FAM178B: variants seen among roughly 807,000 people sequenced by gnomAD.
FAM178B encodes protein FAM178B.
Under a neutral mutation model 91.7 loss-of-function variants are expected in FAM178B, and 82 were observed. The observed-to-expected ratio is 0.89, with a 90% confidence interval of 0.75 to 1.07. The LOEUF is 1.07. Ranked by LOEUF, FAM178B falls within the 50% of genes least tolerant of loss-of-function variation. The probability of loss-of-function intolerance (pLI) is 0.00; values close to 1 mark genes in which losing one functional copy is unlikely to be tolerated. For synonymous variants in FAM178B, 368 were observed against 359.4 expected (o/e 1.02, Z -0.27); for missense variants, 769 against 846.7 (o/e 0.91, Z 1.14).
intron 4 of FAM178B, 68 bp downstream of exon 4, chr2:96,970,648 T>C: frequency 8.2e-7 from 1 of 1,225,352 alleles, no homozygotes; most frequent in Non-Finnish European, 1.2e-6. Context: ...GACTCTGCAG[T>C]GAGTCCCGGG....
chr2:96,876,113 A>T lies in FAM178B; in HGVS notation c.*163T>A, dbSNP rs559708693. The T allele has an allele frequency of 3.0e-6, 2 of 668,168 alleles. No homozygotes were observed. Among genetic ancestry groups the T allele is most frequent in the Non-Finnish European group, 2.5e-6 (1 of 396,558 alleles). The allele number at this position is 668,168 out of a possible 1,614,324, so 41.4% of individuals were successfully genotyped here. A position where few individuals can be genotyped will look rare whatever the true frequency, so the allele number is the denominator to read the frequency against. On this transcript the variant is annotated 3_prime_UTR_variant, in exon 17 of 17. Transcript: ENST00000490605. The stretch of plus-strand genomic sequence containing the variant: ...GGCGGTGGCAGAGGCAGGCTCTTGC[A>T]GAGAGGAGAGGGGTCGGGGCGGTGG...
intron 1 of FAM178B, 83 bp downstream of exon 1, chr2:96,986,158 C>A: frequency 6.6e-7 from 1 of 1,526,446 alleles, no homozygotes; most frequent in Non-Finnish European, 8.7e-7. Context: ...AAGGCCTGGA[C>A]CAGCCAGGAG....
In FAM178B at chr2:96,929,247, A is replaced by T; in HGVS notation, c.1152T>A (p.Ser384Arg). 1.3e-6 allele frequency: 2 copies of T among 1,551,678 alleles called. No individual in the cohort carries two copies. Among genetic ancestry groups the T allele is most frequent in the Non-Finnish European group, 1.7e-6 (2 of 1,146,962 alleles). Residue 384 changes from serine to arginine, a missense_variant, in exon 9 of 17, where the codon AGT becomes AGA. Ser to Arg is a moderately radical substitution (Grantham distance 110, BLOSUM62 -1). Coordinates refer to ENST00000490605, the MANE Select transcript of FAM178B (RefSeq NM_001122646.3). ...REAFHSLGAH[S>R]PALYPLGPFW... ...AGGGCCCCAGAGGGTACAGGGCAGG[A>T]CTGTGGGCACCCAGGCTGTGGAATG...
intron 14 of FAM178B, among the ~76,000 whole-genome samples, chr2:96,889,076 T>A (rs2080600591): frequency 6.6e-6 from 1 of 152,046 alleles, no homozygotes; most frequent in Non-Finnish European, 1.5e-5. Flanking sequence ...CCATAACAGG[T>A]GCAGAACCCA....
At chr2:96,901,333 C>T (rs888763799) in intron 13 of FAM178B, among the ~76,000 whole-genome samples, 3 of 151,692 alleles carry the variant, frequency 2.0e-5, no homozygotes, top group Non-Finnish European at 4.4e-5. Flanking sequence ...CCAGCATGCC[C>T]GGCTAATTTT....
intron 13 of FAM178B, chr2:96,895,220 C>A: frequency 1.4e-6 from 1 of 725,208 alleles, no homozygotes; most frequent in African/African-American, 1.8e-5. Flanking sequence ...AAGGATTTCC[C>A]CCCAATCTAA....
intron 1 of FAM178B, among the ~76,000 whole-genome samples, chr2:96,984,027 T>A (rs916746238): frequency 1.3e-5 from 2 of 152,186 alleles, no homozygotes; most frequent in African/African-American, 4.8e-5. Flanking sequence ...TGGAGTGTAA[T>A]GGCACAATCT....
intron 12 of FAM178B, among the ~76,000 whole-genome samples, chr2:96,915,001 G>C (rs539405781): frequency 6.6e-6 from 1 of 152,270 alleles, no homozygotes; most frequent in South Asian, 2.1e-4. Context: ...CAATGGGTGA[G>C]GGAAGGAGGA....
intron 14 of FAM178B, among the ~76,000 whole-genome samples, chr2:96,889,032 G>A (rs1055629482): frequency 3.3e-5 from 5 of 152,176 alleles, no homozygotes; most frequent in Middle Eastern, 3.2e-3. Context: ...GCGCTCAGTC[G>A]GGGGCCTTGA....
intron 5 of FAM178B, among the ~76,000 whole-genome samples, chr2:96,965,606 G>T (rs1265679052): frequency 6.6e-6 from 1 of 152,106 alleles, no homozygotes; most frequent in Non-Finnish European, 1.5e-5. Context: ...GGAACTACGG[G>T]CATGTGCCAA....
intron 12 of FAM178B, among the ~76,000 whole-genome samples, chr2:96,914,653 C>A (rs186643620): frequency 2.3e-4 from 35 of 152,256 alleles, no homozygotes; most frequent in African/African-American, 8.2e-4. Flanking sequence ...CTTTGGGAAG[C>A]CAAGGTGGGA....
intron 5 of FAM178B, 82 bp downstream of exon 5, chr2:96,967,438 T>A (rs2082157514): frequency 2.5e-6 from 2 of 813,936 alleles, no homozygotes. Flanking sequence ...ACCATGTTGG[T>A]CAAAACTCTG....
intron 9 of FAM178B, among the ~76,000 whole-genome samples, chr2:96,924,842 A>G (rs1191733321): frequency 6.6e-6 from 1 of 152,142 alleles, no homozygotes; most frequent in Non-Finnish European, 1.5e-5. Context: ...CCCCTGGCAC[A>G]GGGGAGGAAG....
chr2:96,975,435 A>G (rs2082276707), intron 1 of FAM178B, among the ~76,000 whole-genome samples: 1 of 152,188 alleles, frequency 6.6e-6, no homozygotes, highest in South Asian at 2.1e-4. Context: ...AATTGTTTTA[A>G]TTGATGCATA....
intron 8 of FAM178B, among the ~76,000 whole-genome samples, chr2:96,939,517 A>G (rs1157552389): frequency 6.6e-6 from 1 of 152,168 alleles, no homozygotes; most frequent in African/African-American, 2.4e-5. Context: ...AAACAAACAA[A>G]TGAACAAACA....
rs1018591441 is a variant in FAM178B, at chr2:96,887,752, T to C, written c.1776+6174A>G. ...ACGAGAAGAAGATAATCCACAGCGT[T>C]GTCCAGGAAGAGTTAAAGGATGAGG... On this transcript the variant is annotated intron_variant, in intron 14 of 16. Coordinates refer to ENST00000490605, the MANE Select transcript of FAM178B (RefSeq NM_001122646.3). Among the ~76,000 whole-genome samples, 4 of 152,278 alleles carry C rather than the reference T, an allele frequency of 2.6e-5. No individual in the cohort carries two copies. In the East Asian group the frequency reaches 7.7e-4, roughly 29 times the overall value.
intron 8 of FAM178B, among the ~76,000 whole-genome samples, chr2:96,946,505 G>A (rs2081831373): frequency 6.6e-6 from 1 of 152,244 alleles, no homozygotes; most frequent in South Asian, 2.1e-4. Context: ...CCCTGGGCAG[G>A]GAAACACAAT....
Position 96,921,497 on chromosome 2 carries a change from A to G in FAM178B, c.1445T>C (p.Ile482Thr), listed in dbSNP as rs1040530335. The change falls in exon 11 of 17, where the codon ATC (isoleucine) becomes ACC (threonine). Residue 482 changes from isoleucine (I) to threonine (T), a missense_variant. Coordinates refer to ENST00000490605, the MANE Select transcript of FAM178B (RefSeq NM_001122646.3). The stretch of plus-strand genomic sequence containing the variant: ...TAGTACCTTCCCTGGCCACTCCCGG[A>G]TGTTCTCCAGGAGCAAGAGGAGAAG... Reference protein sequence around the residue: ...QQLLLLLLENIREWPGKLQEL... With the variant: ...QQLLLLLLENTREWPGKLQEL... 1 of 1,551,618 alleles carries G rather than the reference A, an allele frequency of 6.4e-7. No individual in the cohort carries two copies. Among genetic ancestry groups the G allele is most frequent in the East Asian group, 2.4e-5 (1 of 40,902 alleles).
chr2:96,889,021 C>T (rs1168904812), intron 14 of FAM178B, among the ~76,000 whole-genome samples: 3 of 152,202 alleles, frequency 2.0e-5, no homozygotes, highest in African/African-American at 4.8e-5. Context: ...TAGAGCCACT[C>T]GCGCTCAGTC....
Sources: gnomAD v4.1 joint callset for allele counts (sites outside exome capture counted in the v4.1 genomes callset) on GRCh38, gnomAD v4.1.1 for gene constraint, MANE v1.5 for transcripts, NCBI Gene and HGNC (gene_info 2026-07-23, HGNC 2026-07-21) for gene names.